Variants in NAV2 observed in about 807,000 individuals in gnomAD.
NAV2 encodes the protein neuron navigator 2.
A neutral mutation model predicts 223.2 loss-of-function variants in NAV2; 54 were observed. The observed-to-expected ratio is 0.24, with a 90% confidence interval of 0.19 to 0.30. The LOEUF is 0.30. Among genes scored for constraint, NAV2 ranks in the 10% least tolerant of loss-of-function variants. The probability of loss-of-function intolerance (pLI) is 1.00; values close to 1 mark genes in which losing one functional copy is unlikely to be tolerated. For synonymous variants in NAV2, 1,279 were observed against 1,239.3 expected, an observed-to-expected ratio of 1.03 and a Z score of -0.67; for missense variants, 2,806 against 3,147.5, an observed-to-expected ratio of 0.89 and a Z score of 2.60.
chr11:19,683,617 T>G (rs150688072), intron 1 of NAV2, among the ~76,000 whole-genome samples: 1 of 152,374 alleles, frequency 6.6e-6, no homozygotes, highest in African/African-American at 2.4e-5. Flanking sequence ...TGGATAGCAC[T>G]GTGGTCCCCA....
chr11:20,004,714 T>C (rs1433873870), intron 11 of NAV2, among the ~76,000 whole-genome samples: 1 of 152,180 alleles, frequency 6.6e-6, no homozygotes, highest in African/African-American at 2.4e-5. Context: ...ATTACAAACA[T>C]GAAGCCCTCA....
At chr11:20,067,927 A>G (rs972529038) in intron 20 of NAV2, among the ~76,000 whole-genome samples, 1 of 151,972 alleles carries the variant, frequency 6.6e-6, no homozygotes, top group Non-Finnish European at 1.5e-5. Context: ...CCGCCTGGGG[A>G]GCAGGGTGGC....
intron 1 of NAV2, among the ~76,000 whole-genome samples, chr11:19,435,967 C>T (rs1477446016): frequency 1.3e-5 from 2 of 152,056 alleles, no homozygotes; most frequent in Non-Finnish European, 2.9e-5. Context: ...TTTTGGATAT[C>T]AGCTCCTTAT....
chr11:19,530,685 G>A (rs2044003640), intron 1 of NAV2, among the ~76,000 whole-genome samples: 1 of 152,214 alleles, frequency 6.6e-6, no homozygotes, highest in Non-Finnish European at 1.5e-5. Flanking sequence ...GTGGCTAAAT[G>A]TAGAGGTTGG....
intron 1 of NAV2, among the ~76,000 whole-genome samples, chr11:19,671,937 T>C (rs760079127): frequency 6.6e-6 from 1 of 152,170 alleles, no homozygotes; most frequent in Non-Finnish European, 1.5e-5. Flanking sequence ...TTGATTCATG[T>C]CCGCAGAAAA....
At chr11:19,835,955 G>T (rs2060204061) in intron 2 of NAV2, among the ~76,000 whole-genome samples, 2 of 152,068 alleles carry the variant, frequency 1.3e-5, no homozygotes, top group South Asian at 4.2e-4. Flanking sequence ...GAACCAGAGG[G>T]ACCTCCCTCT....
intron 1 of NAV2, among the ~76,000 whole-genome samples, chr11:19,682,697 A>G (rs1323361718): frequency 6.6e-6 from 1 of 152,138 alleles, no homozygotes; most frequent in African/African-American, 2.4e-5. Context: ...TGAGAGAGGG[A>G]GCATGACAGA....
chr11:19,893,653 G>A (rs2041698747), intron 6 of NAV2, among the ~76,000 whole-genome samples: 1 of 152,178 alleles, frequency 6.6e-6, no homozygotes, highest in African/African-American at 2.4e-5. Flanking sequence ...AATGTATACA[G>A]GGCTGACAGA....
intron 1 of NAV2, among the ~76,000 whole-genome samples, chr11:19,680,066 G>T (rs1759418829): frequency 6.6e-6 from 1 of 152,214 alleles, no homozygotes. Context: ...GTTCTTGAAT[G>T]AGAATAGAGA....
intron 5 of NAV2, among the ~76,000 whole-genome samples, chr11:19,888,727 C>T (rs2041239017): frequency 6.6e-6 from 1 of 152,128 alleles, no homozygotes; most frequent in African/African-American, 2.4e-5. Context: ...TCCCAGCACA[C>T]ACCAGCTCTT....
intron 37 of NAV2, among the ~76,000 whole-genome samples, chr11:20,116,533 G>A (rs950299238): frequency 6.6e-6 from 1 of 152,176 alleles, no homozygotes; most frequent in African/African-American, 2.4e-5. Context: ...AACTCATGAG[G>A]TCTTAACTTA....
At chr11:19,755,390 G>T (rs1433004484) in intron 1 of NAV2, among the ~76,000 whole-genome samples, 3 of 152,182 alleles carry the variant, frequency 2.0e-5, no homozygotes, top group African/African-American at 7.2e-5. Flanking sequence ...TGACTTTGAT[G>T]GAAGAAAGGC....
intron 11 of NAV2, among the ~76,000 whole-genome samples, chr11:20,029,633 C>T (rs7110166): frequency 0.49 from 74,126 of 152,130 alleles, 20,586 homozygotes; most frequent in South Asian, 0.63. Context: ...ATCCCCACCG[C>T]CTTGCACAGT....
chr11:20,020,327 G>A (rs2568129), intron 11 of NAV2, among the ~76,000 whole-genome samples: 2,743 of 152,332 alleles, frequency 0.018, 79 homozygotes, highest in African/African-American at 0.063. Context: ...CATTGTTTCT[G>A]TGGAGAAAAG....
intron 6 of NAV2, among the ~76,000 whole-genome samples, chr11:19,903,184 TCTC>T (rs1298309521): frequency 6.6e-6 from 1 of 152,190 alleles, no homozygotes; most frequent in Non-Finnish European, 1.5e-5. Flanking sequence ...GGAGCCGTCT[TCTC>T]CTGATGAAGG....
intron 1 of NAV2, among the ~76,000 whole-genome samples, chr11:19,663,872 G>C (rs1191733363): frequency 6.6e-6 from 1 of 152,108 alleles, no homozygotes; most frequent in East Asian, 1.9e-4. Context: ...TCTAATACAT[G>C]TTTTCTGCTA....
chr11:19,847,741 T>C (rs1296335096), intron 3 of NAV2, among the ~76,000 whole-genome samples: 4 of 152,350 alleles, frequency 2.6e-5, no homozygotes, highest in Middle Eastern at 3.4e-3. Flanking sequence ...GTGTTTGTCT[T>C]GTGCCAAGCA....
At chr11:19,389,694 T>C (rs1479292060) in intron 1 of NAV2, among the ~76,000 whole-genome samples, 1 of 152,232 alleles carries the variant, frequency 6.6e-6, no homozygotes, top group Non-Finnish European at 1.5e-5. Context: ...ACACAGTAGG[T>C]ACTTTTAAAA....
chr11:19,929,090 A>C (rs2045069055), intron 6 of NAV2, among the ~76,000 whole-genome samples: 1 of 152,110 alleles, frequency 6.6e-6, no homozygotes, highest in Non-Finnish European at 1.5e-5. Context: ...CTCCATCTCT[A>C]CAAAAAAACA....
Sources: gnomAD v4.1 joint callset for allele counts (sites outside exome capture counted in the v4.1 genomes callset) on GRCh38, gnomAD v4.1.1 for gene constraint, MANE v1.5 for transcripts, NCBI Gene and HGNC (gene_info 2026-07-23, HGNC 2026-07-21) for gene names.